The following ITGBL1 variants were observed in gnomAD, a reference collection of about 807,000 sequenced individuals.
The protein encoded by ITGBL1 is integrin subunit beta like 1.
Under a neutral mutation model 68.5 loss-of-function variants are expected in ITGBL1, and 51 were observed. The observed-to-expected ratio is 0.74, with a 90% CI of 0.59 to 0.94. The LOEUF is 0.94. Among genes scored for constraint, ITGBL1 ranks in the 40% least tolerant of loss-of-function variants. The pLI is 0.00. For missense variants in ITGBL1, 649 were observed against 647.4 expected, an observed-to-expected ratio of 1.00 and a Z score of -0.03; for synonymous variants, 209 against 227.3, an observed-to-expected ratio of 0.92 and a Z score of 0.72.
intron 2 of ITGBL1, among the ~76,000 whole-genome samples, chr13:101,559,987 A>C (rs2050073075): frequency 6.6e-6 from 1 of 152,202 alleles, no homozygotes; most frequent in Non-Finnish European, 1.5e-5. Context: ...TGTCCACATG[A>C]AAATGCTCTC....
chr13:101,681,190 T>C (rs2033631459), intron 7 of ITGBL1, among the ~76,000 whole-genome samples: 1 of 152,180 alleles, frequency 6.6e-6, no homozygotes, highest in South Asian at 2.1e-4. Flanking sequence ...GTGTGTTCTC[T>C]ATGTGGGGTA....
intron 2 of ITGBL1, among the ~76,000 whole-genome samples, chr13:101,493,844 G>A (rs886147514): frequency 1.3e-5 from 2 of 152,222 alleles, no homozygotes; most frequent in African/African-American, 4.8e-5. Flanking sequence ...CAAGGTTATA[G>A]GAAACTTGGC....
chr13:101,500,497 A>T (rs1466779699), intron 2 of ITGBL1, among the ~76,000 whole-genome samples: 1 of 152,240 alleles, frequency 6.6e-6, no homozygotes. Flanking sequence ...CAACTGCTAC[A>T]AAATTCTTCA....
Position 101,583,333 on chromosome 13 carries a change from G to C in ITGBL1, c.845G>C (p.Arg282Pro). Reference sequence around the variant, plus strand: ...AGGGACTGTAGAGCTGTCTATGACCGATATTCTGATGACTTCTGTTCAGGT... The same window carrying C: ...AGGGACTGTAGAGCTGTCTATGACCCATATTCTGATGACTTCTGTTCAGGT... ...DERDCRAVYD[R>P]YSDDFCSGHG... Residue 282 changes from arginine (R) to proline (P), a missense_variant, in exon 6 of 11, where the codon CGA becomes CCA. Coordinates refer to ENST00000376180, the MANE Select transcript of ITGBL1 (RefSeq NM_004791.3). The C allele has an allele frequency of 6.3e-7, 1 of 1,591,222 alleles. No individual in the cohort carries two copies. The highest frequency in any genetic ancestry group is 1.1e-5 in the South Asian group (1 of 87,518).
intron 2 of ITGBL1, among the ~76,000 whole-genome samples, chr13:101,546,890 G>C (rs2049834807): frequency 1.3e-5 from 2 of 151,908 alleles, no homozygotes; most frequent in South Asian, 4.2e-4. Flanking sequence ...GCTACCAAGT[G>C]AAGTCAAAGT....
chr13:101,481,069 T>TGC (rs2048614107), intron 2 of ITGBL1, among the ~76,000 whole-genome samples: 1 of 38,678 alleles, frequency 2.6e-5, no homozygotes, highest in African/African-American at 1.1e-4. Flanking sequence ...TACACACACA[T>TGC]ACATATATAT....
rs1373892915 is a variant in ITGBL1, at chr13:101,567,682, T to C, written c.317-17T>C. On this transcript the variant is annotated splice_polypyrimidine_tract_variant and intron_variant, in intron 2 of 10. Transcript: ENST00000376180. ...GGAAAACAATTTGAGTCTGACTAGA[T>C]GTTGTTCAATCCCCAGGCCATGGTA... 2 of 1,611,082 alleles carry C rather than the reference T, an allele frequency of 1.2e-6. No individual in the cohort carries two copies. Among genetic ancestry groups the C allele is most frequent in the Non-Finnish European group, 1.7e-6 (2 of 1,178,478 alleles).
intron 10 of ITGBL1, 67 bp from the exon 11 acceptor site, chr13:101,715,496 A>T: frequency 9.4e-7 from 1 of 1,064,106 alleles, no homozygotes; most frequent in South Asian, 1.3e-5. Flanking sequence ...CTTGTGATTT[A>T]TAATAGCATG....
chr13:101,487,696 C>A (rs76578972), intron 2 of ITGBL1, among the ~76,000 whole-genome samples: 113 of 152,244 alleles, frequency 7.4e-4, no homozygotes, highest in African/African-American at 2.1e-3. Context: ...CCAGTGTCCT[C>A]GGTGAATCTC....
rs757637432 is a variant in ITGBL1, at chr13:101,464,831, G to A, written c.316+10731G>A. Among the ~76,000 whole-genome samples the A allele has an allele frequency of 6.6e-5, 10 of 152,094 alleles. No homozygotes were observed. The East Asian group carries it at 1.5e-3, about 24-fold the overall frequency. ...ATGTTATACACAGGGACATACATGCGTAAGCCCTTTTCTGGTAGACCACTA... is the reference window on the plus strand; with the variant it reads ...ATGTTATACACAGGGACATACATGCATAAGCCCTTTTCTGGTAGACCACTA... On this transcript the variant is annotated intron_variant, in intron 2 of 10. Coordinates refer to ENST00000376180, the MANE Select transcript of ITGBL1 (RefSeq NM_004791.3).
Position 101,658,172 on chromosome 13 carries a change from C to A in ITGBL1, c.1016-34413C>A, listed in dbSNP as rs563258523. Among the ~76,000 whole-genome samples, 11 of 152,166 alleles carry A rather than the reference C, an allele frequency of 7.2e-5. No individual in the cohort carries two copies. The South Asian group carries it at 2.1e-3, about 29-fold the overall frequency. ...TGTATGCTCCTTTTAAGAAACAATG[C>A]CATATTTTGGGATAAAGTTCAACTG... On this transcript the variant is annotated intron_variant, in intron 7 of 10. Transcript: ENST00000376180.
chr13:101,699,630 C>T (rs1162814335), intron 8 of ITGBL1, among the ~76,000 whole-genome samples: 1 of 152,212 alleles, frequency 6.6e-6, no homozygotes, highest in Non-Finnish European at 1.5e-5. Flanking sequence ...TTGTAAGTTT[C>T]CTGAGGCCTC....
intron 2 of ITGBL1, among the ~76,000 whole-genome samples, chr13:101,469,554 G>A (rs1373849693): frequency 6.6e-6 from 1 of 152,124 alleles, no homozygotes; most frequent in Non-Finnish European, 1.5e-5. Context: ...ATGGTGGTGG[G>A]TGCCTGTAAT....
chr13:101,464,782 G>A (rs2048361636), intron 2 of ITGBL1, among the ~76,000 whole-genome samples: 1 of 152,114 alleles, frequency 6.6e-6, no homozygotes, highest in South Asian at 2.1e-4. Context: ...ATATATGTGT[G>A]TTTGTATATA....
intron 2 of ITGBL1, among the ~76,000 whole-genome samples, chr13:101,460,740 G>A (rs1037536962): frequency 9.2e-5 from 14 of 152,192 alleles, no homozygotes; most frequent in African/African-American, 3.4e-4. Flanking sequence ...GCCTCAGGAA[G>A]CCTTTACTTA....
chr13:101,645,096 A>C (rs1040584319), intron 7 of ITGBL1, among the ~76,000 whole-genome samples: 9 of 152,068 alleles, frequency 5.9e-5, no homozygotes, highest in African/African-American at 1.9e-4. Context: ...TCTTATTTTG[A>C]GGAAGTGTAA....
chr13:101,585,154 G>A (rs928207446), intron 6 of ITGBL1, among the ~76,000 whole-genome samples: 1 of 152,120 alleles, frequency 6.6e-6, no homozygotes, highest in Non-Finnish European at 1.5e-5. Context: ...GCTAATGATG[G>A]TTTTAGGCAA....
intron 2 of ITGBL1, among the ~76,000 whole-genome samples, chr13:101,533,270 C>G: frequency 6.6e-6 from 1 of 152,296 alleles, no homozygotes; most frequent in South Asian, 2.1e-4. Flanking sequence ...CCCACCTCTG[C>G]TAGTATAGCT....
intron 7 of ITGBL1, among the ~76,000 whole-genome samples, chr13:101,690,042 A>G (rs77596777): frequency 6.6e-6 from 1 of 152,158 alleles, no homozygotes; most frequent in Non-Finnish European, 1.5e-5. Flanking sequence ...TTACATGCAA[A>G]AGGTTAATTC....
Sources: allele counts gnomAD v4.1 joint callset (sites outside exome capture counted in the v4.1 genomes callset), GRCh38; gene constraint gnomAD v4.1.1; transcripts MANE v1.5; gene names NCBI Gene and HGNC (gene_info 2026-07-23, HGNC 2026-07-21).